Variants in ZNRF3 observed in about 807,000 individuals in gnomAD.
The protein encoded by ZNRF3 is E3 ubiquitin-protein ligase ZNRF3.
A neutral mutation model predicts 72.5 loss-of-function variants in ZNRF3; 23 were observed. That is an observed-to-expected ratio of 0.32 (90% CI 0.23 to 0.45). The LOEUF (loss-of-function observed/expected upper bound fraction) is 0.45, where lower values mean the gene tolerates loss of function less well. Among genes scored for constraint, ZNRF3 ranks in the 20% least tolerant of loss-of-function variants. ZNRF3 has a pLI of 1.00. For synonymous variants in ZNRF3, 610 were observed against 545.3 expected (o/e 1.12, Z -1.65); for missense variants, 1,169 against 1,272.1 (o/e 0.92, Z 1.23).
intron 2 of ZNRF3, among the ~76,000 whole-genome samples, chr22:29,021,906 A>G (rs1216849042): frequency 1.3e-5 from 2 of 152,172 alleles, no homozygotes; most frequent in Non-Finnish European, 1.5e-5. Context: ...ACATGCACAC[A>G]CACACACCCA....
chr22:28,976,767 C>G (rs975800071), intron 1 of ZNRF3, among the ~76,000 whole-genome samples: 2 of 152,018 alleles, frequency 1.3e-5, no homozygotes, highest in African/African-American at 4.8e-5. Flanking sequence ...ATCTGGTAGG[C>G]ACATGAGTCA....
intron 1 of ZNRF3, among the ~76,000 whole-genome samples, chr22:28,936,770 GA>G (rs1321764440): frequency 6.6e-6 from 1 of 152,072 alleles, no homozygotes; most frequent in African/African-American, 2.4e-5. Flanking sequence ...TTTGCTAATA[GA>G]CAAAAACAGT....
Position 28,940,136 on chromosome 22 carries a change from C to CA in ZNRF3, c.301-46939dup, listed in dbSNP as rs2034915016. The stretch of plus-strand genomic sequence containing the variant: ...GCCACAGGTTAGAGAAAATGCTGCC[C>CA]ATTCTTTTCCTTTCCTGCTCGTGCT... On this transcript the variant is annotated intron_variant, in intron 1 of 8. Transcript: ENST00000544604. 3.3e-5 allele frequency among the ~76,000 whole-genome samples: 5 copies of CA among 152,298 alleles called. No homozygotes were observed. In the South Asian group the frequency reaches 1.0e-3, roughly 32 times the overall value.
At position 29,039,784 on chromosome 22, in the gene ZNRF3, CAAAAAAAAAAAA is replaced by C. The variant is rs397976678; in HGVS notation, c.427-2697_427-2686del. Reference sequence around the variant, plus strand: ...CAACATAGTGAGACCTCGTCTCTACCAAAAAAAAAAAAAAAAAAAAAAAAATTAGCCTGGCAT... The same window carrying C: ...CAACATAGTGAGACCTCGTCTCTACCAAAAAAAAAAAAATTAGCCTGGCAT... On this transcript the variant is annotated intron_variant, in intron 2 of 8. Coordinates refer to ENST00000544604, the MANE Select transcript of ZNRF3 (RefSeq NM_001206998.2). Among the ~76,000 whole-genome samples the C allele has an allele frequency of 4.9e-3, 419 of 85,332 alleles. 2 individuals carry two copies. The highest frequency in any genetic ancestry group is 6.4e-3 in the Non-Finnish European group (281 of 43,908). 56.0% of individuals were successfully genotyped at this position (85,332 alleles called of 152,430 possible). A position where few individuals can be genotyped will look rare whatever the true frequency, so the allele number is the denominator to read the frequency against.
intron 2 of ZNRF3, among the ~76,000 whole-genome samples, chr22:29,028,217 A>T (rs1378771162): frequency 6.6e-6 from 1 of 152,204 alleles, no homozygotes; most frequent in African/African-American, 2.4e-5. Context: ...CCTTTGGATG[A>T]AATAGTCTTT....
intron 1 of ZNRF3, among the ~76,000 whole-genome samples, chr22:28,915,612 A>C (rs1447533551): frequency 6.6e-6 from 1 of 152,154 alleles, no homozygotes; most frequent in African/African-American, 2.4e-5. Flanking sequence ...GAAGTCCCTC[A>C]CCATCTTGGA....
chr22:29,017,756 A>T (rs1488010236), intron 2 of ZNRF3, among the ~76,000 whole-genome samples: 1 of 152,156 alleles, frequency 6.6e-6, no homozygotes. Flanking sequence ...TAGGCCTGTG[A>T]ATGGGACATG....
At chr22:28,904,599 TTCTCTC>T (rs372747315) in intron 1 of ZNRF3, among the ~76,000 whole-genome samples, 1 of 150,842 alleles carries the variant, frequency 6.6e-6, no homozygotes, top group Non-Finnish European at 1.5e-5. Context: ...TTTCTTTTTC[TTCTCTC>T]TCTCTCTCTC....
Position 29,050,963 on chromosome 22 carries a change from T to C in ZNRF3, c.2767+15T>C, listed in dbSNP as rs1288089241. 3 of 1,503,210 alleles carry C rather than the reference T, an allele frequency of 2.0e-6. No homozygotes were observed. The East Asian group carries it at 6.8e-5, about 34-fold the overall frequency. 93.1% of individuals were successfully genotyped at this position (1,503,210 alleles called of 1,614,324 possible). ...TGAGGCTGCAGGTGAGAGCAGGAAA[T>C]GGCAGTAGGTCAGAGCAGGAGTTTC... On this transcript the variant is annotated intron_variant, in intron 8 of 8. Coordinates refer to ENST00000544604, the MANE Select transcript of ZNRF3 (RefSeq NM_001206998.2).
chr22:29,009,813 C>T (rs1006712378), intron 2 of ZNRF3, among the ~76,000 whole-genome samples: 10 of 152,136 alleles, frequency 6.6e-5, no homozygotes, highest in African/African-American at 2.4e-4. Flanking sequence ...ATATAAGCTT[C>T]ACCATTAAGT....
At chr22:28,886,577 ACTT>A (rs1178272050) in intron 1 of ZNRF3, among the ~76,000 whole-genome samples, 1 of 152,164 alleles carries the variant, frequency 6.6e-6, no homozygotes, top group Non-Finnish European at 1.5e-5. Context: ...GCTCATTGTA[ACTT>A]CTTGTCTTTC....
chr22:29,015,373 A>G (rs527655342), intron 2 of ZNRF3, among the ~76,000 whole-genome samples: 1 of 152,302 alleles, frequency 6.6e-6, no homozygotes, highest in South Asian at 2.1e-4. Flanking sequence ...CTTTGGGTTA[A>G]TATTCTTCCT....
rs1449558490 is a variant in ZNRF3 at position 29,050,826 on chromosome 22, G to A, written c.2645G>A (p.Cys882Tyr). The change falls in exon 8 of 9, where the codon TGC becomes TAC. Residue 882 changes from cysteine (C) to tyrosine (Y), a missense_variant. This residue lies in a region of ZNRF3 where 783 missense variants were observed against 731.4 expected (regional missense o/e 1.07). Coordinates refer to ENST00000544604, the MANE Select transcript of ZNRF3 (RefSeq NM_001206998.2). ...CGGGAAGAGGAGCGGGCTCTGTGCT[G>A]CCAGGCTAGGGCCCTACTGCGGCCT... ...ATREEERALC[C>Y]QARALLRPGC... 1 of 1,607,294 alleles carries A rather than the reference G, an allele frequency of 6.2e-7. No homozygotes were observed. The highest frequency in any genetic ancestry group is 1.1e-5 in the South Asian group (1 of 90,642).
At chr22:28,885,074 G>C (rs574364441) in intron 1 of ZNRF3, among the ~76,000 whole-genome samples, 1 of 152,148 alleles carries the variant, frequency 6.6e-6, no homozygotes, top group Non-Finnish European at 1.5e-5. Flanking sequence ...ATGTCTGCAG[G>C]GCCTAAGCTT....
rs982373750 is a variant in ZNRF3, at chr22:29,048,926, C to G, written c.1016-271C>G. 6.6e-6 allele frequency among the ~76,000 whole-genome samples: 1 copy of G among 152,112 alleles called. No individual in the cohort carries two copies. The highest frequency in any genetic ancestry group is 2.1e-4 in the South Asian group (1 of 4,828). ...GGAGGGACACTGGCATCTTTGAATCCGATTCTTTTCTGCAGACTTCTGTGG... is the reference window on the plus strand; with the variant it reads ...GGAGGGACACTGGCATCTTTGAATCGGATTCTTTTCTGCAGACTTCTGTGG... On this transcript the variant is annotated intron_variant, in intron 7 of 8. Transcript: ENST00000544604. This position sits in a 1 kb window ranked among gnomAD's most constrained non-coding sequence, Gnocchi z 4.9.
rs769225806 is a variant in ZNRF3, at chr22:29,049,912, G to A, written c.1731G>A (p.Gln577=). The change falls in exon 8 of 9, where the codon CAG becomes CAA. Residue 577 remains glutamine (Q), a synonymous_variant. Transcript: ENST00000544604. This position sits in a 1 kb window ranked among gnomAD's most constrained non-coding sequence, Gnocchi z 5.2. ...SVVDCTEVSN[Q]GVYGSCSTFR... ...TAGACTGCACTGAGGTCAGCAACCAGGGCGTGTACGGGAGCTGCTCCACCT... is the reference window on the plus strand; with the variant it reads ...TAGACTGCACTGAGGTCAGCAACCAAGGCGTGTACGGGAGCTGCTCCACCT... 3.6e-5 allele frequency: 58 copies of A among 1,604,110 alleles called. No individual in the cohort carries two copies. In the South Asian group the frequency reaches 6.0e-4, roughly 17 times the overall value.
intron 1 of ZNRF3, among the ~76,000 whole-genome samples, chr22:28,948,733 C>T (rs1378453576): frequency 1.3e-5 from 2 of 152,086 alleles, no homozygotes; most frequent in Non-Finnish European, 2.9e-5. Context: ...CTAAACTGGA[C>T]AAGAGGTAGT....
In ZNRF3 at chr22:28,972,545, G is replaced by A. The variant is rs116820616; in HGVS notation, c.301-14531G>A. 4.7e-3 allele frequency among the ~76,000 whole-genome samples: 715 copies of A among 152,220 alleles called. 8 individuals carry two copies. The highest frequency in any genetic ancestry group is 0.017 in the African/African-American group (689 of 41,508). Reference sequence around the variant, plus strand: ...ACATTCACATTGTTTCCACTCTTTGGTTATTAGGAATAGTGCTGCTATGAA... The same window carrying A: ...ACATTCACATTGTTTCCACTCTTTGATTATTAGGAATAGTGCTGCTATGAA... On this transcript the variant is annotated intron_variant, in intron 1 of 8. Transcript: ENST00000544604.
Position 29,049,901 on chromosome 22 carries a change from G to T in ZNRF3, c.1720G>T (p.Val574Phe). The stretch of plus-strand genomic sequence containing the variant: ...TGACTCTGTGGTAGACTGCACTGAG[G>T]TCAGCAACCAGGGCGTGTACGGGAG... ...SSDSVVDCTE[V>F]SNQGVYGSCS... is the part of the protein sequence containing the mutation. Residue 574 changes from valine (V) to phenylalanine (F), a missense_variant, in exon 8 of 9, where the codon GTC becomes TTC. By Grantham distance (50) the Val-to-Phe change is conservative (BLOSUM62 -1). Coordinates refer to ENST00000544604, the MANE Select transcript of ZNRF3 (RefSeq NM_001206998.2). The surrounding 1 kb of genome is among the most constrained non-coding windows in gnomAD (Gnocchi z 5.2). The T allele has an allele frequency of 6.2e-7, 1 of 1,603,538 alleles. No homozygotes were observed. The highest frequency in any genetic ancestry group is 1.1e-5 in the South Asian group (1 of 89,718).
Sources: gnomAD v4.1 joint callset for allele counts (sites outside exome capture counted in the v4.1 genomes callset) on GRCh38, gnomAD v4.1.1 for gene constraint, gnomAD v4.1.1 regional missense constraint, Gnocchi (gnomAD v3.1) non-coding constraint, MANE v1.5 for transcripts, NCBI Gene and HGNC (gene_info 2026-07-23, HGNC 2026-07-21) for gene names.